The following MTA3 variants were observed in gnomAD, a reference collection of about 807,000 sequenced individuals.
The protein encoded by MTA3 is metastasis associated 1 family member 3.
Under a neutral mutation model 83.5 loss-of-function variants are expected in MTA3, and 34 were observed. The observed-to-expected ratio is 0.41, with a 90% CI of 0.31 to 0.54. The LOEUF is 0.54. Among genes scored for constraint, MTA3 ranks in the 20% least tolerant of loss-of-function variants. The probability of loss-of-function intolerance (pLI) is 0.33; values close to 1 mark genes in which losing one functional copy is unlikely to be tolerated. For synonymous variants in MTA3, 303 were observed against 252.7 expected, an observed-to-expected ratio of 1.20 and a Z score of -1.89; for missense variants, 761 against 726.4, an observed-to-expected ratio of 1.05 and a Z score of -0.55.
intron 3 of MTA3, among the ~76,000 whole-genome samples, chr2:42,591,399 G>A (rs930459759): frequency 6.6e-6 from 1 of 152,136 alleles, no homozygotes; most frequent in East Asian, 1.9e-4. Context: ...AGTACATACT[G>A]TACACCACTG....
chr2:42,723,332 G>A (rs570667596), intron 16 of MTA3: 8 of 297,442 alleles, frequency 2.7e-5, no homozygotes, highest in Middle Eastern at 9.6e-4. Flanking sequence ...TGTGATGCGC[G>A]CTCACTGTTC....
intron 4 of MTA3, among the ~76,000 whole-genome samples, chr2:42,635,781 T>C (rs889869401): frequency 8.5e-5 from 13 of 152,254 alleles, no homozygotes; most frequent in South Asian, 2.1e-4. Context: ...TGTTTTTTTT[T>C]CCCAAGACAG....
At chr2:42,723,262 G>A (rs375840469) in intron 16 of MTA3, 4 of 521,650 alleles carry the variant, frequency 7.7e-6, no homozygotes, top group Admixed American at 3.5e-5. Context: ...GTTAGGAGGC[G>A]TTTTTGGAGA....
chr2:42,722,527 C>T (rs1016155766), intron 15 of MTA3, among the ~76,000 whole-genome samples: 1 of 152,168 alleles, frequency 6.6e-6, no homozygotes, highest in Non-Finnish European at 1.5e-5. Context: ...CCCCCCTCAC[C>T]CCAAGGCTAC....
chr2:42,534,285 T>C (rs1676118490), intron 2 of MTA3, among the ~76,000 whole-genome samples: 1 of 152,120 alleles, frequency 6.6e-6, no homozygotes, highest in Admixed American at 6.6e-5. Flanking sequence ...GGTTGTTTGA[T>C]GGAAGATTAG....
intron 16 of MTA3, among the ~76,000 whole-genome samples, chr2:42,728,560 T>TAGGGTTCCCACCAACAGTGTATG (rs1442700718): frequency 2.0e-5 from 3 of 152,188 alleles, no homozygotes; most frequent in African/African-American, 7.2e-5. Flanking sequence ...CAACAGTGTA[T>TAGGGTTCCCACCAACAGTGTATG]AGGGTTCCCA....
At chr2:42,691,876 C>G (rs954366488) in intron 9 of MTA3, among the ~76,000 whole-genome samples, 1 of 152,194 alleles carries the variant, frequency 6.6e-6, no homozygotes, top group Non-Finnish European at 1.5e-5. Flanking sequence ...ATTGAGAAGT[C>G]TGCTGCCAAA....
intron 4 of MTA3, among the ~76,000 whole-genome samples, chr2:42,628,789 T>C (rs1686383753): frequency 6.7e-6 from 1 of 150,262 alleles, no homozygotes; most frequent in Non-Finnish European, 1.5e-5. Flanking sequence ...TTTTTTTTTT[T>C]GGTTTATGTT....
chr2:42,744,848 T>C (rs371921973), intron 16 of MTA3, among the ~76,000 whole-genome samples: 1 of 152,160 alleles, frequency 6.6e-6, no homozygotes, highest in African/African-American at 2.4e-5. Context: ...CAGAAACCAA[T>C]TGATTTAGGC....
chr2:42,730,138 T>A (rs1668140714), intron 16 of MTA3, among the ~76,000 whole-genome samples: 1 of 152,250 alleles, frequency 6.6e-6, no homozygotes, highest in Non-Finnish European at 1.5e-5. Context: ...CTTTAGGTTT[T>A]TCCAAATATA....
intron 7 of MTA3, among the ~76,000 whole-genome samples, chr2:42,657,318 T>C (rs1324066006): frequency 6.6e-6 from 1 of 152,114 alleles, no homozygotes; most frequent in African/African-American, 2.4e-5. Context: ...TCCCACTTTT[T>C]ATTGGTGGCC....
chr2:42,519,056 A>G (rs1478118434), intron 2 of MTA3, among the ~76,000 whole-genome samples: 1 of 151,492 alleles, frequency 6.6e-6, no homozygotes, highest in Non-Finnish European at 1.5e-5. Flanking sequence ...AGGTGGGGGA[A>G]GAGTAACTAC....
intron 2 of MTA3, among the ~76,000 whole-genome samples, chr2:42,517,313 C>T (rs529308381): frequency 1.4e-5 from 2 of 141,726 alleles, no homozygotes; most frequent in South Asian, 4.6e-4. Context: ...GGCTCACACC[C>T]CTAATCCCAG....
intron 2 of MTA3, among the ~76,000 whole-genome samples, chr2:42,498,021 A>T (rs1017082175): frequency 6.6e-6 from 1 of 152,014 alleles, no homozygotes; most frequent in Non-Finnish European, 1.5e-5. Flanking sequence ...ATCACTTTGC[A>T]TTGCATAACT....
intron 3 of MTA3, among the ~76,000 whole-genome samples, chr2:42,606,359 C>T (rs1477863292): frequency 1.4e-5 from 2 of 147,660 alleles, no homozygotes; most frequent in African/African-American, 2.5e-5. Context: ...AGCTGCCGGG[C>T]GGAGGGGCTC....
intron 3 of MTA3, among the ~76,000 whole-genome samples, chr2:42,606,774 C>A (rs1022113707): frequency 1.8e-4 from 28 of 151,582 alleles, no homozygotes; most frequent in African/African-American, 6.1e-4. Flanking sequence ...CGCCACTGCA[C>A]CCCAGCCTGG....
chr2:42,609,596 T>C lies in MTA3; in HGVS notation c.317+12T>C. 6.2e-7 allele frequency: 1 copy of C among 1,612,780 alleles called. No individual in the cohort carries two copies. The highest frequency in any genetic ancestry group is 8.5e-7 in the Non-Finnish European group (1 of 1,179,328). On this transcript the variant is annotated intron_variant, in intron 4 of 16. Transcript: ENST00000405094. ...GCAACACATATCAGGTAAGAACTTT[T>C]TAGGAACTAAGGTACTCAGTACTAC...
chr2:42,641,533 C>A (rs12712856), intron 5 of MTA3, among the ~76,000 whole-genome samples: 112,677 of 152,050 alleles, frequency 0.74, 42,003 homozygotes, highest in South Asian at 0.88. Flanking sequence ...CAAAACATTC[C>A]ATGCATTTCA....
At chr2:42,711,874 A>C (rs1187834869) in intron 14 of MTA3, among the ~76,000 whole-genome samples, 1 of 151,900 alleles carries the variant, frequency 6.6e-6, no homozygotes, top group Non-Finnish European at 1.5e-5. Flanking sequence ...TCCACCCTGC[A>C]GAAAGTTAAG....
Sources: gnomAD v4.1 joint callset for allele counts (sites outside exome capture counted in the v4.1 genomes callset) on GRCh38, gnomAD v4.1.1 for gene constraint, MANE v1.5 for transcripts, NCBI Gene and HGNC (gene_info 2026-07-23, HGNC 2026-07-21) for gene names.